Variants in METTL4 observed in about 807,000 individuals in gnomAD.
METTL4 encodes N(6)-adenine-specific methyltransferase METTL4.
A neutral mutation model predicts 54.0 loss-of-function variants in METTL4; 40 were observed. That is an observed-to-expected ratio of 0.74 (90% CI 0.58 to 0.96). The LOEUF (loss-of-function observed/expected upper bound fraction) is 0.96. METTL4 is among the 50% of genes least tolerant of loss of function. The pLI is 0.00. For synonymous variants in METTL4, 169 were observed against 183.8 expected (o/e 0.92, Z 0.65); for missense variants, 525 against 549.0 (o/e 0.96, Z 0.44).
chr18:2,547,431 T>C lies in METTL4; in HGVS notation c.998A>G (p.Lys333Arg). 1 of 1,612,224 alleles carries C rather than the reference T, an allele frequency of 6.2e-7. No homozygotes were observed. The highest frequency in any genetic ancestry group is 8.5e-7 in the Non-Finnish European group (1 of 1,178,968). The change falls in exon 6 of 9, where the codon AAG becomes AGG. Residue 333 changes from lysine to arginine, a missense_variant. Lys to Arg is a conservative substitution (Grantham distance 26). Coordinates refer to ENST00000574538, the MANE Select transcript of METTL4 (RefSeq NM_022840.5). ...LLVTWVTNRQ[K>R]HLRFIKEELY... ...TTCTTCCTTTATAAAACGTAGGTGCTTCTGTCTATTGGTCACCCAAGTAAC... is the reference window on the plus strand; with the variant it reads ...TTCTTCCTTTATAAAACGTAGGTGCCTCTGTCTATTGGTCACCCAAGTAAC...
At chr18:2,539,241 T>A in intron 8 of METTL4, 96 bp from the exon 9 acceptor site, 1 of 1,017,488 alleles carries the variant, frequency 9.8e-7, no homozygotes, top group South Asian at 1.5e-5. Context: ...ATATTTCATT[T>A]TGTTCTTAAA....
chr18:2,556,702 A>T (rs553906085), intron 3 of METTL4, among the ~76,000 whole-genome samples: 1 of 152,278 alleles, frequency 6.6e-6, no homozygotes, highest in East Asian at 1.9e-4. Flanking sequence ...AAGGAAAAAA[A>T]TGAGCATATT....
intron 5 of METTL4, among the ~76,000 whole-genome samples, chr18:2,549,819 TA>T (rs397758263): frequency 6.3e-4 from 50 of 79,062 alleles, no homozygotes; most frequent in East Asian, 8.3e-4. Flanking sequence ...CCATCTCTAC[TA>T]AAAAAAAAAA....
At chr18:2,551,708 A>T (rs2072163124) in intron 5 of METTL4, among the ~76,000 whole-genome samples, 1 of 151,998 alleles carries the variant, frequency 6.6e-6, no homozygotes, top group Non-Finnish European at 1.5e-5. Flanking sequence ...AATAAAAAAA[A>T]AGAAGAAGAA....
Position 2,566,925 on chromosome 18 carries a change from G to A in METTL4, c.292C>T (p.Pro98Ser). The A allele has an allele frequency of 6.2e-7, 1 of 1,614,006 alleles. No individual in the cohort carries two copies. Among genetic ancestry groups the A allele is most frequent in the Non-Finnish European group, 8.5e-7 (1 of 1,179,972 alleles). ...TTATGAACAGCTGGAGTTATATAAG[G>A]TTTGGTGACATCAAACAGTTCAGGT... ...FRPELFDVTK[P>S]YITPAVHKEC... The change falls in exon 2 of 9, where the codon CCT becomes TCT. Residue 98 changes from proline (P) to serine (S), a missense_variant. By Grantham distance (74) the Pro-to-Ser change is moderately conservative. Coordinates refer to ENST00000574538, the MANE Select transcript of METTL4 (RefSeq NM_022840.5).
chr18:2,555,088 A>C, intron 3 of METTL4, 50 bp from the exon 4 acceptor site: 1 of 1,544,514 alleles, frequency 6.5e-7, no homozygotes, highest in Non-Finnish European at 8.8e-7. Context: ...TTAAAAAAGA[A>C]CATTGACTGT....
intron 3 of METTL4, among the ~76,000 whole-genome samples, chr18:2,556,279 CA>C (rs2072237331): frequency 6.6e-6 from 1 of 151,164 alleles, no homozygotes; most frequent in African/African-American, 2.4e-5. Flanking sequence ...AGACAATTCA[CA>C]AGGGCATTGC....
intron 8 of METTL4, 100 bp downstream of exon 8, chr18:2,544,095 C>T (rs1294606106): frequency 8.7e-6 from 7 of 806,586 alleles, no homozygotes; most frequent in Non-Finnish European, 1.4e-5. Context: ...CAACCTACGT[C>T]TGACTTAATT....
At chr18:2,541,497 A>T (rs2071992057) in intron 8 of METTL4, among the ~76,000 whole-genome samples, 1 of 152,258 alleles carries the variant, frequency 6.6e-6, no homozygotes, top group Non-Finnish European at 1.5e-5. Flanking sequence ...CAGTAAAAAG[A>T]AGTGGAAATT....
rs115197483 is a variant in METTL4 at position 2,556,842 on chromosome 18, G to A, written c.460-1804C>T. ...AGGATGAGGAGGAGGTGGGGGTCAG[G>A]GGAGGAGGAAGAAGAGGAGGAGGAG... On this transcript the variant is annotated intron_variant, in intron 3 of 8. Coordinates refer to ENST00000574538, the MANE Select transcript of METTL4 (RefSeq NM_022840.5). Among the ~76,000 whole-genome samples the A allele has an allele frequency of 3.3e-3, 500 of 152,154 alleles. 3 individuals carry two copies. Among genetic ancestry groups the A allele is most frequent in the African/African-American group, 0.011 (474 of 41,518 alleles).
intron 5 of METTL4, 41 bp downstream of exon 5, chr18:2,552,654 T>A: frequency 6.7e-6 from 9 of 1,345,474 alleles, no homozygotes; most frequent in Non-Finnish European, 9.5e-6. Flanking sequence ...TACAAAGGAC[T>A]ACAGTTTTTT....
intron 5 of METTL4, 33 bp from the exon 6 acceptor site, chr18:2,547,562 T>G: frequency 6.6e-7 from 1 of 1,516,112 alleles, no homozygotes; most frequent in South Asian, 1.3e-5. Flanking sequence ...ATGAGCAAAA[T>G]TCACTGCAAA....
intron 5 of METTL4, among the ~76,000 whole-genome samples, chr18:2,549,715 C>T (rs1320122698): frequency 1.3e-5 from 2 of 149,256 alleles, no homozygotes; most frequent in African/African-American, 4.9e-5. Context: ...GGTGTGGTGG[C>T]TTATGTCTGT....
At chr18:2,540,565 A>G in intron 8 of METTL4, 1 of 985,414 alleles carries the variant, frequency 1.0e-6, no homozygotes, top group East Asian at 1.1e-4. Context: ...TTCACTGTCT[A>G]TAATTCAAGT....
chr18:2,565,767 A>G (rs1017763433), intron 2 of METTL4, among the ~76,000 whole-genome samples: 2 of 152,114 alleles, frequency 1.3e-5, no homozygotes, highest in South Asian at 4.1e-4. Context: ...TGTTAATCCT[A>G]TCACTAAAAA....
intron 5 of METTL4, among the ~76,000 whole-genome samples, chr18:2,552,399 A>G (rs1598348383): frequency 6.6e-6 from 1 of 152,194 alleles, no homozygotes; most frequent in Non-Finnish European, 1.5e-5. Flanking sequence ...ACATATTTCT[A>G]AACTTTAGAA....
At position 2,567,322 on chromosome 18, in the gene METTL4, AC is replaced by A. The variant is rs1198368134; in HGVS notation, c.-107del. On this transcript the variant is annotated 5_prime_UTR_variant, in exon 2 of 9. It introduces an in-frame stop codon into an upstream open reading frame of the 5' UTR. Coordinates refer to ENST00000574538, the MANE Select transcript of METTL4 (RefSeq NM_022840.5). ...GTATTTCAATAAACATACACTTCAT[AC>A]ACACAGATAGATTTGATATACAAGT... 2 of 985,404 alleles carry A rather than the reference AC, an allele frequency of 2.0e-6. No individual in the cohort carries two copies. Among genetic ancestry groups the A allele is most frequent in the East Asian group, 2.5e-5 (1 of 40,316 alleles). The allele number at this position is 985,404 out of a possible 1,614,324, so 61.0% of individuals were successfully genotyped here.
chr18:2,558,858 C>G (rs541427348), intron 3 of METTL4, among the ~76,000 whole-genome samples: 3 of 152,190 alleles, frequency 2.0e-5, no homozygotes, highest in Non-Finnish European at 4.4e-5. Flanking sequence ...AAATGGCCAA[C>G]AAGCACATAA....
At chr18:2,561,007 G>T (rs1164135842) in intron 3 of METTL4, among the ~76,000 whole-genome samples, 1 of 151,830 alleles carries the variant, frequency 6.6e-6, no homozygotes, top group Non-Finnish European at 1.5e-5. Context: ...CCTTCAATAG[G>T]ATCAATAGGT....
Sources: allele counts gnomAD v4.1 joint callset (sites outside exome capture counted in the v4.1 genomes callset), GRCh38; gene constraint gnomAD v4.1.1; transcripts MANE v1.5; gene names NCBI Gene and HGNC (gene_info 2026-07-23, HGNC 2026-07-21).